The following CACNA2D2 variants were observed in gnomAD, a reference collection of about 807,000 sequenced individuals.
CACNA2D2 encodes voltage-dependent calcium channel subunit alpha-2/delta-2.
A neutral mutation model predicts 166.4 loss-of-function variants in CACNA2D2; 48 were observed. That is an observed-to-expected ratio of 0.29 (90% CI 0.23 to 0.37). The LOEUF (loss-of-function observed/expected upper bound fraction) is 0.37. Ranked by LOEUF, CACNA2D2 falls within the 10% of genes least tolerant of loss-of-function variation. The pLI is 1.00. For synonymous variants in CACNA2D2, 561 were observed against 573.7 expected (o/e 0.98, Z 0.32); for missense variants, 1,122 against 1,433.0 (o/e 0.78, Z 3.50).
At chr3:50,422,191 C>T (rs751103247) in intron 3 of CACNA2D2, among the ~76,000 whole-genome samples, 6 of 152,166 alleles carry the variant, frequency 3.9e-5, no homozygotes, top group Non-Finnish European at 5.9e-5. Flanking sequence ...TGACCCCTCC[C>T]CTGACAACTA....
At chr3:50,369,930 TG>T (rs61014164) in intron 23 of CACNA2D2, among the ~76,000 whole-genome samples, 16,051 of 152,118 alleles carry the variant, frequency 0.11, 1,969 homozygotes, top group African/African-American at 0.3. Context: ...AGGACAACGA[TG>T]GGGTGCGGGG....
chr3:50,387,482 T>C, intron 5 of CACNA2D2, 86 bp downstream of exon 5: 1 of 1,112,548 alleles, frequency 9.0e-7, no homozygotes, highest in African/African-American at 1.5e-5. Context: ...GAGCTCAGAA[T>C]GTGTGGCGCT....
In CACNA2D2 at chr3:50,414,377, ACT is replaced by A. The variant is rs1420566360; in HGVS notation, c.405+19934_405+19935del. On this transcript the variant is annotated intron_variant, in intron 3 of 37. Transcript: ENST00000424201. Reference sequence around the variant, plus strand: ...CAGTCTTCTCATCCACAACCTGTGGACTCTCTAAACAAACAAGCAATTTAAGA... The same window carrying A: ...CAGTCTTCTCATCCACAACCTGTGGACTCTAAACAAACAAGCAATTTAAGA... 7.2e-5 allele frequency among the ~76,000 whole-genome samples: 11 copies of A among 152,178 alleles called. No homozygotes were observed. In the East Asian group the frequency reaches 7.7e-4, roughly 11 times the overall value.
chr3:50,391,740 T>G (rs1204256584), intron 4 of CACNA2D2, among the ~76,000 whole-genome samples: 1 of 152,210 alleles, frequency 6.6e-6, no homozygotes, highest in Admixed American at 6.5e-5. Flanking sequence ...CCTCAGAGGT[T>G]TGCATCTGGA....
rs995445382 is a variant in CACNA2D2 at position 50,376,509 on chromosome 3, G to A, written c.1627-321C>T. On this transcript the variant is annotated intron_variant, in intron 17 of 37. Coordinates refer to ENST00000424201, the MANE Select transcript of CACNA2D2 (RefSeq NM_006030.4). The surrounding 1 kb of genome is among the most constrained non-coding windows in gnomAD (Gnocchi z 4.3). Reference sequence around the variant, plus strand: ...CCACCACCGGCCCCACAGGTCTGCTGCTTCTGTACCCCTGTGGCCCTCCTC... The same window carrying A: ...CCACCACCGGCCCCACAGGTCTGCTACTTCTGTACCCCTGTGGCCCTCCTC... Among the ~76,000 whole-genome samples, 3 of 152,180 alleles carry A rather than the reference G, an allele frequency of 2.0e-5. No homozygotes were observed. The highest frequency in any genetic ancestry group is 4.4e-5 in the Non-Finnish European group (3 of 68,036).
In CACNA2D2 at chr3:50,365,512, C is replaced by A. The variant is rs1704205510; in HGVS notation, c.2972-30G>T. ...GAGGGCCCAGAGCGCCTCAGCTCCGCCCACAGACCCTGGCAAGGTCTCCGG... is the reference window on the plus strand; with the variant it reads ...GAGGGCCCAGAGCGCCTCAGCTCCGACCACAGACCCTGGCAAGGTCTCCGG... On this transcript the variant is annotated intron_variant, in intron 34 of 37. Coordinates refer to ENST00000424201, the MANE Select transcript of CACNA2D2 (RefSeq NM_006030.4). The surrounding 1 kb of genome is among the most constrained non-coding windows in gnomAD (Gnocchi z 4.5). 1 of 1,608,890 alleles carries A rather than the reference C, an allele frequency of 6.2e-7. No homozygotes were observed. Among genetic ancestry groups the A allele is most frequent in the Non-Finnish European group, 8.5e-7 (1 of 1,177,870 alleles).
In CACNA2D2 at chr3:50,364,343, A is replaced by G. The variant is rs1450560059; in HGVS notation, c.*323T>C. ...CCCCCAACATAGGCAGCCTCCAGGA[A>G]GGGCGGCAGCAGAGGCCTGGTTTTG... On this transcript the variant is annotated 3_prime_UTR_variant, in exon 38 of 38. Coordinates refer to ENST00000424201, the MANE Select transcript of CACNA2D2 (RefSeq NM_006030.4). 2 of 335,810 alleles carry G rather than the reference A, an allele frequency of 6.0e-6. No individual in the cohort carries two copies. The highest frequency in any genetic ancestry group is 1.1e-5 in the Non-Finnish European group (2 of 184,314). 20.8% of individuals were successfully genotyped at this position (335,810 alleles called of 1,614,324 possible). A position where few individuals can be genotyped will look rare whatever the true frequency, so the allele number is the denominator to read the frequency against.
chr3:50,475,419 G>A (rs942886592), intron 2 of CACNA2D2, among the ~76,000 whole-genome samples: 8 of 152,044 alleles, frequency 5.3e-5, no homozygotes, highest in African/African-American at 9.7e-5. Flanking sequence ...CTCAAAGACT[G>A]CACGTACCCC....
chr3:50,431,461 G>C (rs769812632), intron 3 of CACNA2D2, among the ~76,000 whole-genome samples: 6 of 152,088 alleles, frequency 3.9e-5, no homozygotes, highest in Non-Finnish European at 5.9e-5. Flanking sequence ...GGAATAATGT[G>C]GGGGAGTCAA....
At position 50,365,781 on chromosome 3, in the gene CACNA2D2, T is replaced by A. The variant is rs1374402783; in HGVS notation, c.2915+29A>T. 4 of 1,613,202 alleles carry A rather than the reference T, an allele frequency of 2.5e-6. No individual in the cohort carries two copies. Among genetic ancestry groups the A allele is most frequent in the Non-Finnish European group, 3.4e-6 (4 of 1,179,896 alleles). On this transcript the variant is annotated intron_variant, in intron 33 of 37. Coordinates refer to ENST00000424201, the MANE Select transcript of CACNA2D2 (RefSeq NM_006030.4). This position sits in a 1 kb window ranked among gnomAD's most constrained non-coding sequence, Gnocchi z 4.5. ...GAGCCCTCCCGGCCAGGGAGCACCT[T>A]CTCTACCCACCTCCCGCTCAGGACT...
intron 3 of CACNA2D2, among the ~76,000 whole-genome samples, chr3:50,398,896 G>A (rs1162040001): frequency 1.3e-5 from 2 of 152,222 alleles, no homozygotes; most frequent in Non-Finnish European, 2.9e-5. Flanking sequence ...AGGACTCGTC[G>A]TGCACTGGGC....
At chr3:50,434,132 T>G (rs1057047818) in intron 3 of CACNA2D2, among the ~76,000 whole-genome samples, 181 bp downstream of exon 3, 10 of 152,178 alleles carry the variant, frequency 6.6e-5, no homozygotes, top group African/African-American at 2.2e-4. Context: ...CTCCAGATAG[T>G]ATCATCCTGT....
chr3:50,473,510 C>G (rs1400695301), intron 2 of CACNA2D2, among the ~76,000 whole-genome samples: 2 of 152,226 alleles, frequency 1.3e-5, no homozygotes, highest in Non-Finnish European at 1.5e-5. Flanking sequence ...GGAGGGGCAG[C>G]CCCACTGGGG....
chr3:50,435,050 C>T (rs953765683), intron 2 of CACNA2D2, among the ~76,000 whole-genome samples: 2 of 152,044 alleles, frequency 1.3e-5, no homozygotes, highest in Non-Finnish European at 2.9e-5. Flanking sequence ...GAGGAAGGGG[C>T]AGGTTGGGGA....
In CACNA2D2 at chr3:50,378,342, GA is replaced by G; in HGVS notation, c.1340-10del. On this transcript the variant is annotated splice_polypyrimidine_tract_variant and intron_variant, in intron 13 of 37. Transcript: ENST00000424201. ...GATCTCAAAATAGTAGCCTGTGAAG[GA>G]AGGAGAGGCAGAGGTGGGCCTGGCT... The G allele has an allele frequency of 6.4e-7, 1 of 1,551,546 alleles. No homozygotes were observed. The highest frequency in any genetic ancestry group is 8.7e-7 in the Non-Finnish European group (1 of 1,147,086).
At chr3:50,395,408 G>A (rs1340540198) in intron 3 of CACNA2D2, among the ~76,000 whole-genome samples, 2 of 152,178 alleles carry the variant, frequency 1.3e-5, no homozygotes, top group Non-Finnish European at 2.9e-5. Flanking sequence ...AAGATCCAAG[G>A]ACCAGCCTCT....
At chr3:50,393,940 A>G (rs553921586) in intron 4 of CACNA2D2, among the ~76,000 whole-genome samples, 169 bp downstream of exon 4, 1 of 152,224 alleles carries the variant, frequency 6.6e-6, no homozygotes, top group East Asian at 1.9e-4. Flanking sequence ...TGTGCCCAGC[A>G]GTGAGAGGCG....
At chr3:50,454,331 G>A (rs1009272684) in intron 2 of CACNA2D2, among the ~76,000 whole-genome samples, 1 of 152,240 alleles carries the variant, frequency 6.6e-6, no homozygotes, top group African/African-American at 2.4e-5. Context: ...TGCCGGAGAA[G>A]TTGGGCGTTG....
chr3:50,478,866 T>A (rs967019660), intron 1 of CACNA2D2, among the ~76,000 whole-genome samples: 2 of 152,182 alleles, frequency 1.3e-5, no homozygotes, highest in Non-Finnish European at 2.9e-5. Context: ...CTAGAAACCA[T>A]GTTTTTCCCC....
Sources: allele counts gnomAD v4.1 joint callset (sites outside exome capture counted in the v4.1 genomes callset), GRCh38; gene constraint gnomAD v4.1.1; non-coding constraint Gnocchi (gnomAD v3.1); transcripts MANE v1.5; gene names NCBI Gene and HGNC (gene_info 2026-07-23, HGNC 2026-07-21).